The following CAMKMT variants were observed in gnomAD, a reference collection of about 807,000 sequenced individuals.
The protein encoded by CAMKMT is CaM KMT.
In CAMKMT, 53 loss-of-function variants were observed where a neutral mutation model predicts 48.0. That is an observed-to-expected ratio of 1.10 (90% CI 0.89 to 1.39). The LOEUF is 1.39. Ranked by LOEUF, CAMKMT falls within the 40% of genes most tolerant of loss-of-function variation. The probability of loss-of-function intolerance (pLI) is 0.00; values close to 1 mark genes in which losing one functional copy is unlikely to be tolerated. For synonymous variants in CAMKMT, 165 were observed against 152.3 expected (o/e 1.08, Z -0.61); for missense variants, 428 against 402.7 (o/e 1.06, Z -0.54).
intron 3 of CAMKMT, among the ~76,000 whole-genome samples, chr2:44,503,984 G>GGAGAGAGAGA (rs370141046): frequency 0.031 from 4,357 of 142,586 alleles, 205 homozygotes; most frequent in African/African-American, 0.1. Flanking sequence ...GAGCGGGTGG[G>GGAGAGAGAGA]GAGAGAGAGA....
At position 44,538,147 on chromosome 2, in the gene CAMKMT, A is replaced by G. The variant is rs192654102; in HGVS notation, c.376+147842A>G. 1.5e-3 allele frequency among the ~76,000 whole-genome samples: 222 copies of G among 152,172 alleles called. 1 individual carries two copies. The highest frequency in any genetic ancestry group is 5.1e-3 in the African/African-American group (212 of 41,534). On this transcript the variant is annotated intron_variant, in intron 3 of 10. Transcript: ENST00000378494. ...CACTTTGGGAGACCGAGGCGGGTGG[A>G]TCACGAGGTCAGGTGTTCAAGACCA...
intron 3 of CAMKMT, among the ~76,000 whole-genome samples, chr2:44,493,631 G>C (rs1163369895): frequency 6.6e-6 from 1 of 152,162 alleles, no homozygotes; most frequent in Non-Finnish European, 1.5e-5. Context: ...ATTTTTGCCT[G>C]TTGCCATTGA....
At position 44,470,120 on chromosome 2, in the gene CAMKMT, G is replaced by A. The variant is rs1018907066; in HGVS notation, c.376+79815G>A. Among the ~76,000 whole-genome samples, 29 of 151,136 alleles carry A rather than the reference G, an allele frequency of 1.9e-4. 1 individual carries two copies. Among genetic ancestry groups the A allele is most frequent in the South Asian group, 6.3e-4 (3 of 4,796 alleles). On this transcript the variant is annotated intron_variant, in intron 3 of 10. Transcript: ENST00000378494. ...GAGATTCAACTGTAATATTTCCTGC[G>A]GCTCATTTTAATGTAAAAGTAGTTA...
chr2:44,704,250 T>A, intron 3 of CAMKMT, 33 bp from the exon 4 acceptor site: 1 of 1,574,490 alleles, frequency 6.4e-7, no homozygotes, highest in South Asian at 1.2e-5. Flanking sequence ...ATGACTTCTA[T>A]AATCAAAAGG....
At chr2:44,466,243 A>G (rs1428365877) in intron 3 of CAMKMT, among the ~76,000 whole-genome samples, 2 of 152,240 alleles carry the variant, frequency 1.3e-5, no homozygotes, top group Non-Finnish European at 2.9e-5. Flanking sequence ...TCAAGCACAT[A>G]TAGAACGTTT....
At chr2:44,635,495 A>G (rs1673076710) in intron 3 of CAMKMT, among the ~76,000 whole-genome samples, 1 of 152,226 alleles carries the variant, frequency 6.6e-6, no homozygotes, top group Non-Finnish European at 1.5e-5. Context: ...ATATAAATAG[A>G]CAAGCTAGTA....
intron 8 of CAMKMT, among the ~76,000 whole-genome samples, chr2:44,745,642 GTT>G (rs1026197428): frequency 6.9e-6 from 1 of 145,496 alleles, no homozygotes; most frequent in Admixed American, 6.9e-5. Context: ...TGCATGAATT[GTT>G]TTTTTTTTTC....
At chr2:44,382,404 T>G (rs1680339358) in intron 2 of CAMKMT, among the ~76,000 whole-genome samples, 2 of 152,148 alleles carry the variant, frequency 1.3e-5, no homozygotes, top group African/African-American at 4.8e-5. Flanking sequence ...GTGACTTTGT[T>G]TTTTCAGATT....
At chr2:44,521,472 G>T (rs1018084936) in intron 3 of CAMKMT, among the ~76,000 whole-genome samples, 1 of 152,050 alleles carries the variant, frequency 6.6e-6, no homozygotes, top group African/African-American at 2.4e-5. Flanking sequence ...GTAGAGATGG[G>T]GTTTCACCAT....
intron 3 of CAMKMT, among the ~76,000 whole-genome samples, chr2:44,493,408 C>T (rs908766262): frequency 2.0e-5 from 3 of 152,102 alleles, no homozygotes; most frequent in African/African-American, 7.2e-5. Context: ...TCCTGCAGCC[C>T]GTTAGAAATC....
intron 3 of CAMKMT, among the ~76,000 whole-genome samples, chr2:44,614,785 C>G (rs962066415): frequency 2.0e-5 from 3 of 151,826 alleles, no homozygotes; most frequent in Non-Finnish European, 4.4e-5. Context: ...AAGCTGTGTC[C>G]CCTCCAGAGT....
rs143838095 is a variant in CAMKMT at position 44,558,696 on chromosome 2, T to C, written c.377-145587T>C. ...TAATGCCAGAACAGAAAATCAAATG[T>C]CACATGTTCTCACGTATAACTGGGA... On this transcript the variant is annotated intron_variant, in intron 3 of 10. Coordinates refer to ENST00000378494, the MANE Select transcript of CAMKMT (RefSeq NM_024766.5). Among the ~76,000 whole-genome samples, 366 of 152,194 alleles carry C rather than the reference T, an allele frequency of 2.4e-3. 1 individual carries two copies. Among genetic ancestry groups the C allele is most frequent in the African/African-American group, 8.3e-3 (343 of 41,526 alleles).
At chr2:44,529,281 C>T (rs774887032) in intron 3 of CAMKMT, among the ~76,000 whole-genome samples, 12 of 152,084 alleles carry the variant, frequency 7.9e-5, no homozygotes, top group Non-Finnish European at 1.6e-4. Flanking sequence ...TCTACTGATA[C>T]TCAAACTTGA....
intron 3 of CAMKMT, among the ~76,000 whole-genome samples, chr2:44,393,113 A>G (rs1367826940): frequency 6.6e-6 from 1 of 152,188 alleles, no homozygotes; most frequent in East Asian, 1.9e-4. Flanking sequence ...TCAGGGGATG[A>G]TTATATTCAT....
chr2:44,489,121 C>A lies in CAMKMT; in HGVS notation c.376+98816C>A, dbSNP rs564055774. On this transcript the variant is annotated intron_variant, in intron 3 of 10. Coordinates refer to ENST00000378494, the MANE Select transcript of CAMKMT (RefSeq NM_024766.5). ...GTCTCAGGCAATCCTCCTCCTGCCT[C>A]AGCCTCCCAAAGTTCTGGGATTACA... is the stretch of plus-strand genomic sequence containing the variant. Among the ~76,000 whole-genome samples the A allele has an allele frequency of 3.3e-5, 5 of 152,228 alleles. No homozygotes were observed. The South Asian group carries it at 1.0e-3, about 32-fold the overall frequency.
chr2:44,513,769 A>G (rs544128110), intron 3 of CAMKMT, among the ~76,000 whole-genome samples: 1 of 152,078 alleles, frequency 6.6e-6, no homozygotes, highest in Non-Finnish European at 1.5e-5. Flanking sequence ...TGGGGCAGAC[A>G]TTTCCCCCAA....
intron 3 of CAMKMT, among the ~76,000 whole-genome samples, chr2:44,472,834 A>G (rs1668491148): frequency 6.6e-6 from 1 of 152,248 alleles, no homozygotes; most frequent in African/African-American, 2.4e-5. Flanking sequence ...AATGAAATAT[A>G]TTTATTTAGA....
At chr2:44,530,739 GA>G (rs1666440143) in intron 3 of CAMKMT, among the ~76,000 whole-genome samples, 1 of 152,072 alleles carries the variant, frequency 6.6e-6, no homozygotes, top group Non-Finnish European at 1.5e-5. Context: ...ATATTAGGGG[GA>G]GGAAAAGGGA....
rs569595725 is a variant in CAMKMT at position 44,420,227 on chromosome 2, G to T, written c.376+29922G>T. Among the ~76,000 whole-genome samples the T allele has an allele frequency of 2.6e-5, 4 of 152,284 alleles. No homozygotes were observed. The East Asian group carries it at 7.7e-4, about 29-fold the overall frequency. On this transcript the variant is annotated intron_variant, in intron 3 of 10. Transcript: ENST00000378494. ...AAATAAAAAGGTGACATGTTAATCT[G>T]TGTATAATTTGTATATTTCTGCATA... is the stretch of plus-strand genomic sequence containing the variant.
Sources: allele counts gnomAD v4.1 joint callset (sites outside exome capture counted in the v4.1 genomes callset), GRCh38; gene constraint gnomAD v4.1.1; transcripts MANE v1.5; gene names NCBI Gene and HGNC (gene_info 2026-07-23, HGNC 2026-07-21).